FSTL5: variants seen among roughly 807,000 people sequenced by gnomAD.
FSTL5 encodes the protein follistatin like 5.
FSTL5 carries 62 observed loss-of-function variants against 89.1 expected under a neutral mutation model. The ratio of observed to expected loss-of-function variants is 0.70; its 90% CI spans 0.57 to 0.86. The LOEUF (loss-of-function observed/expected upper bound fraction) is 0.86. Among genes scored for constraint, FSTL5 ranks in the 40% least tolerant of loss-of-function variants. The pLI, the probability that FSTL5 is intolerant of heterozygous loss-of-function variation, is 0.00. For synonymous variants in FSTL5, 383 were observed against 346.2 expected (o/e 1.11, Z -1.18); for missense variants, 1,057 against 1,001.6 (o/e 1.06, Z -0.75).
intron 15 of FSTL5, among the ~76,000 whole-genome samples, chr4:161,417,911 G>T (rs762516267): frequency 1.3e-5 from 2 of 152,204 alleles, no homozygotes; most frequent in Non-Finnish European, 2.9e-5. Flanking sequence ...GACTGATGGA[G>T]ATTATGAAAG....
intron 15 of FSTL5, among the ~76,000 whole-genome samples, chr4:161,440,314 T>C (rs941071993): frequency 1.2e-4 from 18 of 151,954 alleles, no homozygotes; most frequent in African/African-American, 4.4e-4. Context: ...CCTACACCAC[T>C]GTGTCCAAAC....
chr4:161,901,851 C>T (rs1385246403), intron 4 of FSTL5, among the ~76,000 whole-genome samples: 1 of 152,138 alleles, frequency 6.6e-6, no homozygotes, highest in Admixed American at 6.5e-5. Context: ...AGGAGAACTG[C>T]TTGAACCCGG....
At chr4:161,453,943 T>G (rs1733261638) in intron 15 of FSTL5, among the ~76,000 whole-genome samples, 1 of 152,140 alleles carries the variant, frequency 6.6e-6, no homozygotes, top group African/African-American at 2.4e-5. Flanking sequence ...TAATAGGCAT[T>G]CTGAAAATAA....
intron 4 of FSTL5, among the ~76,000 whole-genome samples, chr4:161,841,399 T>C (rs980189183): frequency 6.6e-6 from 1 of 152,204 alleles, no homozygotes; most frequent in African/African-American, 2.4e-5. Flanking sequence ...TGTATGCACC[T>C]TCATCTGATG....
intron 3 of FSTL5, among the ~76,000 whole-genome samples, chr4:161,942,507 A>C (rs1734615747): frequency 6.6e-6 from 1 of 152,108 alleles, no homozygotes; most frequent in African/African-American, 2.4e-5. Flanking sequence ...AGACTAAATC[A>C]GTAATCAAAG....
At chr4:161,481,233 C>A in intron 12 of FSTL5, 64 bp from the exon 13 acceptor site, 1 of 1,273,522 alleles carries the variant, frequency 7.9e-7, no homozygotes. Flanking sequence ...CTGACAATAT[C>A]ATGGGTAAAA....
At chr4:161,408,199 CA>C (rs1270666630) in intron 15 of FSTL5, among the ~76,000 whole-genome samples, 1 of 152,174 alleles carries the variant, frequency 6.6e-6, no homozygotes, top group African/African-American at 2.4e-5. Context: ...CCACAGAACA[CA>C]ACTTCAAATG....
intron 7 of FSTL5, among the ~76,000 whole-genome samples, chr4:161,636,626 C>T (rs1428305390): frequency 6.8e-6 from 1 of 146,324 alleles, no homozygotes; most frequent in African/African-American, 2.6e-5. Flanking sequence ...CCCCACCCCA[C>T]CACAGTCCCC....
At chr4:162,108,610 A>G (rs1474549040) in intron 2 of FSTL5, among the ~76,000 whole-genome samples, 1 of 151,918 alleles carries the variant, frequency 6.6e-6, no homozygotes, top group African/African-American at 2.4e-5. Flanking sequence ...AAATATTTAC[A>G]TTTTTGCAAT....
At chr4:161,715,419 T>C (rs1738940733) in intron 6 of FSTL5, among the ~76,000 whole-genome samples, 1 of 152,148 alleles carries the variant, frequency 6.6e-6, no homozygotes, top group South Asian at 2.1e-4. Flanking sequence ...TGACACACCC[T>C]GTCATTTTGT....
chr4:162,051,796 G>A (rs1021888555), intron 2 of FSTL5, among the ~76,000 whole-genome samples: 1 of 151,352 alleles, frequency 6.6e-6, no homozygotes, highest in Non-Finnish European at 1.5e-5. Context: ...AGCACCACAT[G>A]ATGAAATTCA....
chr4:162,099,399 C>T (rs1730896180), intron 2 of FSTL5, among the ~76,000 whole-genome samples: 1 of 151,964 alleles, frequency 6.6e-6, no homozygotes, highest in Non-Finnish European at 1.5e-5. Flanking sequence ...AGAATACAAA[C>T]ACTTTACAAT....
intron 4 of FSTL5, among the ~76,000 whole-genome samples, chr4:161,860,472 TA>T (rs1244133928): frequency 6.6e-6 from 1 of 152,162 alleles, no homozygotes; most frequent in Non-Finnish European, 1.5e-5. Context: ...AGGTCAGACT[TA>T]AACTTTTCAT....
chr4:162,051,734 CT>C (rs1738384200), intron 2 of FSTL5, among the ~76,000 whole-genome samples: 2 of 151,020 alleles, frequency 1.3e-5, no homozygotes, highest in Admixed American at 1.3e-4. Context: ...TTCAATAACC[CT>C]AAAAGAAAAT....
chr4:162,126,485 A>T (rs1032392), intron 1 of FSTL5, among the ~76,000 whole-genome samples: 77,419 of 151,816 alleles, frequency 0.51, 20,263 homozygotes, highest in Admixed American at 0.58. Flanking sequence ...CACCCTTTTT[A>T]TTAAACTTAC....
At chr4:161,443,405 C>T (rs17041044) in intron 15 of FSTL5, among the ~76,000 whole-genome samples, 14,767 of 151,910 alleles carry the variant, frequency 0.097, 797 homozygotes, top group South Asian at 0.2. Flanking sequence ...CTGTAGTAAG[C>T]GGCAGAACAT....
At chr4:161,824,007 T>C (rs1341012086) in intron 4 of FSTL5, among the ~76,000 whole-genome samples, 1 of 152,226 alleles carries the variant, frequency 6.6e-6, no homozygotes, top group African/African-American at 2.4e-5. Context: ...GCAGAAGGTT[T>C]TTATTTTAAT....
intron 8 of FSTL5, among the ~76,000 whole-genome samples, chr4:161,561,579 C>T (rs4339160): frequency 0.86 from 130,956 of 151,836 alleles, 56,918 homozygotes; most frequent in Non-Finnish European, 0.9. Context: ...CACTAAATTG[C>T]GCACTTTAAC....
intron 15 of FSTL5, among the ~76,000 whole-genome samples, chr4:161,432,194 G>A (rs1578969096): frequency 6.6e-6 from 1 of 151,948 alleles, no homozygotes; most frequent in East Asian, 1.9e-4. Context: ...CTTAAGGAGA[G>A]ACTATATGTT....
Sources: allele counts gnomAD v4.1 joint callset (sites outside exome capture counted in the v4.1 genomes callset), GRCh38; gene constraint gnomAD v4.1.1; transcripts MANE v1.5; gene names NCBI Gene and HGNC (gene_info 2026-07-23, HGNC 2026-07-21).